Variants in DNAI1 observed in about 807,000 individuals in gnomAD.
The protein encoded by DNAI1 is dynein, axonemal, intermediate polypeptide 1.
DNAI1 carries 67 observed loss-of-function variants against 92.0 expected under a neutral mutation model. The ratio of observed to expected loss-of-function variants is 0.73; its 90% confidence interval spans 0.60 to 0.89. The LOEUF is 0.89. DNAI1 is among the 40% of genes least tolerant of loss of function. The probability of loss-of-function intolerance (pLI) is 0.00; values close to 1 mark genes in which losing one functional copy is unlikely to be tolerated. For synonymous variants in DNAI1, 323 were observed against 319.6 expected (o/e 1.01, Z -0.11); for missense variants, 839 against 866.6 (o/e 0.97, Z 0.40).
intron 8 of DNAI1, among the ~76,000 whole-genome samples, chr9:34,492,495 T>TAGATATAGATATAGATATAGATATAG (rs1182075090): frequency 1.6e-4 from 3 of 19,036 alleles, no homozygotes; most frequent in African/African-American, 4.6e-4. Flanking sequence ...GATATGAAGA[T>TAGATATAGATATAGATATAGATATAG]ATATATATAT....
intron 12 of DNAI1, among the ~76,000 whole-genome samples, 171 bp from the exon 13 acceptor site, chr9:34,506,456 C>T (rs1035573464): frequency 6.6e-6 from 1 of 152,198 alleles, no homozygotes; most frequent in African/African-American, 2.4e-5. Flanking sequence ...AAGGTCACAT[C>T]TCATAATTCC....
At chr9:34,475,685 G>A (rs895788235) in intron 1 of DNAI1, among the ~76,000 whole-genome samples, 2 of 152,118 alleles carry the variant, frequency 1.3e-5, no homozygotes, top group Admixed American at 1.3e-4. Flanking sequence ...TTTAAAATGA[G>A]GATACTGAGG....
chr9:34,502,344 T>TC (rs1824847751), intron 12 of DNAI1, among the ~76,000 whole-genome samples: 1 of 152,034 alleles, frequency 6.6e-6, no homozygotes, highest in Non-Finnish European at 1.5e-5. Flanking sequence ...AGCACATTCC[T>TC]CCCCCTCTGC....
At chr9:34,484,376 T>A (rs1824431843) in intron 2 of DNAI1, among the ~76,000 whole-genome samples, 1 of 152,262 alleles carries the variant, frequency 6.6e-6, no homozygotes, top group Non-Finnish European at 1.5e-5. Flanking sequence ...TAGGCTTTGA[T>A]AAATATTTTC....
At chr9:34,489,191 C>T (rs1188805260) in intron 4 of DNAI1, 132 bp from the exon 5 acceptor site, 1 of 1,041,900 alleles carries the variant, frequency 9.6e-7, no homozygotes, top group Non-Finnish European at 1.5e-6. Flanking sequence ...TTCAGATTAA[C>T]TGAGGATTTG....
chr9:34,502,148 C>T (rs1404747467), intron 12 of DNAI1, among the ~76,000 whole-genome samples: 1 of 152,202 alleles, frequency 6.6e-6, no homozygotes. Flanking sequence ...TCCACCCATT[C>T]TTTGACCAGG....
chr9:34,497,950 A>G (rs962087744), intron 10 of DNAI1, among the ~76,000 whole-genome samples: 2 of 152,222 alleles, frequency 1.3e-5, no homozygotes, highest in Admixed American at 6.5e-5. Flanking sequence ...GTTGGAGCCC[A>G]TTAATGAAGG....
intron 1 of DNAI1, chr9:34,478,981 G>A (rs1824288470): frequency 6.6e-6 from 1 of 152,294 alleles, no homozygotes; most frequent in Non-Finnish European, 1.5e-5. Context: ...AGTAGAGGGA[G>A]GTAGGAGAAA....
chr9:34,474,005 G>A (rs1195813245), intron 1 of DNAI1, among the ~76,000 whole-genome samples: 1 of 152,130 alleles, frequency 6.6e-6, no homozygotes, highest in Admixed American at 6.5e-5. Flanking sequence ...TGGGACTACA[G>A]GCATAAACCA....
rs116914321 is a variant in DNAI1, at chr9:34,475,243, T to G, written c.49-8205T>G. ...GCTGGTGAGGTATTTAGTTTCAATTTAGCTTAATGGAAACCTGTTAGTGAG... is the reference window on the plus strand; with the variant it reads ...GCTGGTGAGGTATTTAGTTTCAATTGAGCTTAATGGAAACCTGTTAGTGAG... On this transcript the variant is annotated intron_variant, in intron 1 of 19. Transcript: ENST00000242317. Among the ~76,000 whole-genome samples, 525 of 152,334 alleles carry G rather than the reference T, an allele frequency of 3.4e-3. 2 individuals are homozygous for G. The highest frequency in any genetic ancestry group is 5.2e-3 in the Admixed American group (80 of 15,294).
At chr9:34,484,002 G>A (rs1002569430) in intron 2 of DNAI1, among the ~76,000 whole-genome samples, 1 of 151,964 alleles carries the variant, frequency 6.6e-6, no homozygotes, top group South Asian at 2.1e-4. Context: ...GATCACTTGA[G>A]GTCAGGAGTT....
intron 1 of DNAI1, among the ~76,000 whole-genome samples, chr9:34,465,501 C>A (rs1824021361): frequency 6.6e-6 from 1 of 152,198 alleles, no homozygotes; most frequent in South Asian, 2.1e-4. Flanking sequence ...TTGCCAATGG[C>A]AGTTCCATTT....
At chr9:34,484,953 C>T (rs1824440996) in intron 2 of DNAI1, 189 bp from the exon 3 acceptor site, 1 of 594,738 alleles carries the variant, frequency 1.7e-6, no homozygotes, top group Non-Finnish European at 3.0e-6. Flanking sequence ...CCAGGATCTT[C>T]CAGGCAATGA....
intron 12 of DNAI1, among the ~76,000 whole-genome samples, chr9:34,503,412 G>A (rs1264912342): frequency 6.6e-6 from 1 of 152,162 alleles, no homozygotes; most frequent in Non-Finnish European, 1.5e-5. Context: ...GTCTTTGGAA[G>A]CTCCCAGATA....
chr9:34,460,092 A>T (rs1823919204), intron 1 of DNAI1, among the ~76,000 whole-genome samples: 1 of 152,160 alleles, frequency 6.6e-6, no homozygotes, highest in Non-Finnish European at 1.5e-5. Context: ...TGTGAACATT[A>T]TGCTCTTATT....
chr9:34,480,858 A>C (rs1824339212), intron 1 of DNAI1, among the ~76,000 whole-genome samples: 1 of 152,220 alleles, frequency 6.6e-6, no homozygotes, highest in Non-Finnish European at 1.5e-5. Context: ...AGGCAGGAGA[A>C]TTGCTTGAAC....
At chr9:34,471,682 A>G (rs1393620127) in intron 1 of DNAI1, among the ~76,000 whole-genome samples, 2 of 152,036 alleles carry the variant, frequency 1.3e-5, no homozygotes, top group East Asian at 1.9e-4. Flanking sequence ...AGGAAGGAGA[A>G]TTGCTTGAAT....
intron 1 of DNAI1, among the ~76,000 whole-genome samples, chr9:34,471,447 CAAA>C (rs72230032): frequency 2.4e-5 from 2 of 83,986 alleles, no homozygotes; most frequent in Non-Finnish European, 2.4e-5. Context: ...ACCACCACCA[CAAA>C]AAAAAAAAAA....
intron 11 of DNAI1, 36 bp from the exon 12 acceptor site, chr9:34,501,102 T>G (rs1436723220): frequency 8.2e-6 from 13 of 1,594,638 alleles, no homozygotes; most frequent in Non-Finnish European, 1.1e-5. Context: ...GCCATGTTCA[T>G]TTCCTATGCC....
Sources: gnomAD v4.1 joint callset for allele counts (sites outside exome capture counted in the v4.1 genomes callset) on GRCh38, gnomAD v4.1.1 for gene constraint, MANE v1.5 for transcripts, NCBI Gene and HGNC (gene_info 2026-07-23, HGNC 2026-07-21) for gene names.